PLCG2: variants seen among roughly 807,000 people sequenced by gnomAD.
The protein encoded by PLCG2 is phospholipase C gamma 2.
A neutral mutation model predicts 175.6 loss-of-function variants in PLCG2; 69 were observed. The ratio of observed to expected loss-of-function variants is 0.39; its 90% confidence interval spans 0.32 to 0.48. PLCG2 has a LOEUF of 0.48. PLCG2 is among the 20% of genes least tolerant of loss of function. PLCG2 has a pLI of 0.91. For synonymous variants in PLCG2, 827 were observed against 624.0 expected (o/e 1.33, Z -4.85); for missense variants, 1,798 against 1,650.9 (o/e 1.09, Z -1.54).
intron 25 of PLCG2, 120 bp from the exon 26 acceptor site, chr16:81,934,309 C>A (rs1454765879): frequency 3.7e-5 from 24 of 648,932 alleles, no homozygotes; most frequent in East Asian, 2.4e-4. Flanking sequence ...AACATTCAAC[C>A]ATATTAAAGA....
At chr16:81,783,418 G>C (rs1272539217) in intron 1 of PLCG2, among the ~76,000 whole-genome samples, 3 of 152,188 alleles carry the variant, frequency 2.0e-5, no homozygotes, top group South Asian at 4.1e-4. Context: ...AACTCGTTTT[G>C]CTACTTTCTA....
intron 14 of PLCG2, among the ~76,000 whole-genome samples, chr16:81,901,621 C>T (rs115109778): frequency 1.3e-3 from 196 of 152,324 alleles, no homozygotes; most frequent in African/African-American, 4.6e-3. Context: ...TTAACCTGTA[C>T]ATAAAACTTA....
intron 2 of PLCG2, among the ~76,000 whole-genome samples, chr16:81,762,191 T>C (rs984113859): frequency 1.3e-5 from 2 of 152,186 alleles, no homozygotes; most frequent in African/African-American, 2.4e-5. Context: ...TTCCAATTAT[T>C]AATGCATGTT....
chr16:81,801,390 T>C (rs964536226), intron 2 of PLCG2, among the ~76,000 whole-genome samples: 15 of 152,200 alleles, frequency 9.9e-5, no homozygotes, highest in Non-Finnish European at 1.6e-4. Context: ...TAAAAGACAC[T>C]GCGTGGTGTG....
chr16:81,952,382 G>C (rs879824280), intron 31 of PLCG2, among the ~76,000 whole-genome samples: 9 of 152,094 alleles, frequency 5.9e-5, no homozygotes, highest in Non-Finnish European at 8.8e-5. Flanking sequence ...CCAGTCATTG[G>C]ATTCTCAATT....
At chr16:81,819,210 G>A (rs980737368) in intron 2 of PLCG2, among the ~76,000 whole-genome samples, 1 of 152,276 alleles carries the variant, frequency 6.6e-6, no homozygotes, top group Admixed American at 6.5e-5. Flanking sequence ...TGCTTCTAGA[G>A]ATGGATGTGG....
At chr16:81,876,288 G>C (rs1907786347) in intron 7 of PLCG2, among the ~76,000 whole-genome samples, 1 of 152,136 alleles carries the variant, frequency 6.6e-6, no homozygotes, top group South Asian at 2.1e-4. Flanking sequence ...CTCCCATAGT[G>C]CTGGGATTAT....
intron 5 of PLCG2, among the ~76,000 whole-genome samples, chr16:81,868,226 A>T (rs992155961): frequency 6.6e-6 from 1 of 152,180 alleles, no homozygotes; most frequent in Non-Finnish European, 1.5e-5. Context: ...GTGAACAATT[A>T]GGCAACTTTA....
rs530600387 is a variant in PLCG2, at chr16:81,942,051, C to CA, written c.3481+1993dup. On this transcript the variant is annotated intron_variant, in intron 30 of 32. Coordinates refer to ENST00000564138, the MANE Select transcript of PLCG2 (RefSeq NM_002661.5). ...GGTGCAGGAAGTGTAGCTTTTGGTACACCTTTACGTTCCTAGCCTTGACGC... is the reference window on the plus strand; with the variant it reads ...GGTGCAGGAAGTGTAGCTTTTGGTACAACCTTTACGTTCCTAGCCTTGACGC... 1.6e-3 allele frequency among the ~76,000 whole-genome samples: 237 copies of CA among 152,270 alleles called. 2 individuals are homozygous for CA. The highest frequency in any genetic ancestry group is 5.2e-3 in the African/African-American group (218 of 41,542).
intron 2 of PLCG2, among the ~76,000 whole-genome samples, chr16:81,849,629 G>A (rs1043422527): frequency 6.6e-6 from 1 of 151,996 alleles, no homozygotes; most frequent in Non-Finnish European, 1.5e-5. Context: ...AAATTTTCCA[G>A]GTCTGGTGGC....
At chr16:81,861,551 C>G (rs1239895839) in intron 5 of PLCG2, among the ~76,000 whole-genome samples, 1 of 152,248 alleles carries the variant, frequency 6.6e-6, no homozygotes, top group Non-Finnish European at 1.5e-5. Flanking sequence ...CCAAAATGCC[C>G]TGCCTGCTCC....
At chr16:81,781,898 G>T (rs1910752795) in intron 1 of PLCG2, among the ~76,000 whole-genome samples, 1 of 134,598 alleles carries the variant, frequency 7.4e-6, no homozygotes, top group African/African-American at 2.8e-5. Flanking sequence ...CCGAGACGGA[G>T]TCTTGCTCTG....
At chr16:81,778,032 C>CAAAAAAAA (rs566484508), upstream of PLCG2, among the ~76,000 whole-genome samples, 2 of 58,710 alleles carry the variant, frequency 3.4e-5, no homozygotes, top group African/African-American at 1.7e-4. Flanking sequence ...AAAAAAAAAA[C>CAAAAAAAA]AAAAAAAAAA....
chr16:81,786,108 G>A lies in PLCG2; in HGVS notation c.119G>A (p.Arg40Gln), dbSNP rs1347311494. The A allele has an allele frequency of 1.2e-6, 2 of 1,614,074 alleles. No homozygotes were observed. Among genetic ancestry groups the A allele is most frequent in the African/African-American group, 2.7e-5 (2 of 74,928 alleles). Residue 40 changes from arginine to glutamine, a missense_variant, in exon 2 of 33, where the codon CGG becomes CAG. Physicochemically the swap from Arg to Gln is conservative, Grantham distance 43. Transcript: ENST00000564138. ...VFSFRKSTPERRTVQVIMETR... is the reference protein window; with the variant it reads ...VFSFRKSTPEQRTVQVIMETR... ...AGCTTCCGCAAGTCCACCCCCGAGCGGAGAACCGTCCAGGTGATCATGGAG... is the reference window on the plus strand; with the variant it reads ...AGCTTCCGCAAGTCCACCCCCGAGCAGAGAACCGTCCAGGTGATCATGGAG...
rs192869175 is a variant in PLCG2 at position 81,879,244 on chromosome 16, C to G, written c.649-1666C>G. Among the ~76,000 whole-genome samples, 1,228 of 152,214 alleles carry G rather than the reference C, an allele frequency of 8.1e-3. 43 individuals carry two copies. Among genetic ancestry groups the G allele is most frequent in the Admixed American group, 0.072 (1,106 of 15,298 alleles). ...CTTTGGGCTTGGAAGTGTTCTAGCC[C>G]CTGATGCCTTCAGCAGCAGGCTGAC... On this transcript the variant is annotated intron_variant, in intron 7 of 32. Transcript: ENST00000564138.
chr16:81,793,266 C>G (rs1911319727), intron 2 of PLCG2, among the ~76,000 whole-genome samples: 1 of 152,216 alleles, frequency 6.6e-6, no homozygotes, highest in South Asian at 2.1e-4. Flanking sequence ...CGGGAGGGAG[C>G]TTGTGGTACT....
chr16:81,825,663 C>G (rs1411243483), intron 2 of PLCG2, among the ~76,000 whole-genome samples: 1 of 152,192 alleles, frequency 6.6e-6, no homozygotes, highest in Non-Finnish European at 1.5e-5. Context: ...TTAATTGTAA[C>G]TTTAATGGCA....
At chr16:81,783,798 T>A (rs1910850105) in intron 1 of PLCG2, among the ~76,000 whole-genome samples, 1 of 151,888 alleles carries the variant, frequency 6.6e-6, no homozygotes, top group African/African-American at 2.4e-5. Context: ...GGGTTTCTCC[T>A]GATAAGGTAA....
intron 2 of PLCG2, among the ~76,000 whole-genome samples, chr16:81,797,067 C>T (rs1024690327): frequency 6.6e-6 from 1 of 152,150 alleles, no homozygotes; most frequent in Non-Finnish European, 1.5e-5. Flanking sequence ...TTTCTAGCTG[C>T]GTTGGTTCTG....
Sources: gnomAD v4.1 joint callset for allele counts (sites outside exome capture counted in the v4.1 genomes callset) on GRCh38, gnomAD v4.1.1 for gene constraint, MANE v1.5 for transcripts, NCBI Gene and HGNC (gene_info 2026-07-23, HGNC 2026-07-21) for gene names.